The following ANK1 variants were observed in gnomAD, a reference collection of about 807,000 sequenced individuals.
ANK1 encodes the protein ankyrin-1.
Under a neutral mutation model 210.4 loss-of-function variants are expected in ANK1, and 51 were observed. The observed-to-expected ratio is 0.24, with a 90% confidence interval of 0.19 to 0.31. The LOEUF (loss-of-function observed/expected upper bound fraction) is 0.31, where lower values mean the gene tolerates loss of function less well. Among genes scored for constraint, ANK1 ranks in the 10% least tolerant of loss-of-function variants. The pLI is 1.00. For synonymous variants in ANK1, 967 were observed against 1,025.9 expected, an observed-to-expected ratio of 0.94 and a Z score of 1.10; for missense variants, 2,051 against 2,504.4, an observed-to-expected ratio of 0.82 and a Z score of 3.86.
At chr8:41,727,410 C>T (rs1830983135) in intron 4 of ANK1, 62 bp from the exon 5 acceptor site, 1 of 1,183,366 alleles carries the variant, frequency 8.5e-7, no homozygotes, top group Admixed American at 1.7e-5. Flanking sequence ...CCTACACCAG[C>T]ACAACGTCCT....
chr8:41,713,883 T>C (rs140696160), intron 16 of ANK1, among the ~76,000 whole-genome samples: 294 of 152,320 alleles, frequency 1.9e-3, no homozygotes, highest in African/African-American at 6.6e-3. Context: ...GTGCAACTGC[T>C]TGGGGACACA....
intron 1 of ANK1, among the ~76,000 whole-genome samples, chr8:41,783,618 G>T (rs1419146662): frequency 1.3e-5 from 1 of 75,064 alleles, no homozygotes; most frequent in East Asian, 2.0e-3. Context: ...CCTCTTAATG[G>T]AGACTGACAC....
rs371076452 is a variant in ANK1, at chr8:41,806,536, G to A, written c.127-48399C>T. 2.4e-4 allele frequency among the ~76,000 whole-genome samples: 37 copies of A among 152,262 alleles called. 1 individual carries two copies. In the East Asian group the frequency reaches 6.4e-3, roughly 26 times the overall value. On this transcript the variant is annotated intron_variant, in intron 1 of 42. Transcript: ENST00000265709. ...TCAAGACCAGCCTGGGCAACATGGC[G>A]AAACCCTGTCTCTACTAAAAATACA... is the stretch of plus-strand genomic sequence containing the variant.
At chr8:41,841,095 G>A (rs985140215) in intron 1 of ANK1, among the ~76,000 whole-genome samples, 6 of 152,186 alleles carry the variant, frequency 3.9e-5, no homozygotes, top group Non-Finnish European at 7.3e-5. Flanking sequence ...GGAGACACCT[G>A]CAGCCCCACA....
At chr8:41,670,376 T>C (rs1268506217) in intron 38 of ANK1, among the ~76,000 whole-genome samples, 1 of 152,002 alleles carries the variant, frequency 6.6e-6, no homozygotes, top group Non-Finnish European at 1.5e-5. Context: ...AAAATAGGCC[T>C]AGAGCCCAGG....
chr8:41,895,523 C>T (rs968501882), intron 1 of ANK1, among the ~76,000 whole-genome samples: 3 of 152,092 alleles, frequency 2.0e-5, no homozygotes, highest in Non-Finnish European at 2.9e-5. Flanking sequence ...CAACAGTTGC[C>T]CCTGGAGGTC....
Position 41,693,893 on chromosome 8 carries a change from C to T in ANK1, c.3532+5G>A. 6.2e-7 allele frequency: 1 copy of T among 1,602,348 alleles called. No individual in the cohort carries two copies. Among genetic ancestry groups the T allele is most frequent in the Non-Finnish European group, 8.5e-7 (1 of 1,175,034 alleles). On this transcript the variant is annotated splice_donor_5th_base_variant and intron_variant, in intron 29 of 42. Coordinates refer to ENST00000289734, the MANE Select transcript of ANK1 (RefSeq NM_000037.4). ...GAACAGAAGCGAGGCAGGGGCCCCT[C>T]TCACCAATGACGCTGCAAAGCAGGC...
At position 41,695,217 on chromosome 8, in the gene ANK1, T is replaced by C. The variant is rs1175708966; in HGVS notation, c.3075A>G (p.Gly1025=). ...SVWKEHRSRY[G]ESYLDQILNG... is the part of the protein sequence containing the mutation. ...TGAGGATCTGATCCAGGTAGCTCTCTCCATAGCGGCTCCTGTGCTCCTTCC... is the reference window on the plus strand; with the variant it reads ...TGAGGATCTGATCCAGGTAGCTCTCCCCATAGCGGCTCCTGTGCTCCTTCC... Residue 1025 remains glycine, a synonymous_variant, in exon 27 of 43, where the codon GGA becomes GGG. Transcript: ENST00000289734. 2 of 1,613,912 alleles carry C rather than the reference T, an allele frequency of 1.2e-6. No individual in the cohort carries two copies. The highest frequency in any genetic ancestry group is 2.7e-5 in the African/African-American group (2 of 74,870).
intron 6 of ANK1, among the ~76,000 whole-genome samples, chr8:41,725,380 C>T (rs1477177139): frequency 6.6e-6 from 1 of 152,242 alleles, no homozygotes; most frequent in East Asian, 1.9e-4. Context: ...TCCCGGACCC[C>T]CTTTCTCCAC....
rs189925347 is a variant in ANK1, at chr8:41,842,622, C to T, written c.126+53733G>A. Among the ~76,000 whole-genome samples the T allele has an allele frequency of 1.0e-3, 159 of 152,316 alleles. 1 individual carries two copies. Among genetic ancestry groups the T allele is most frequent in the African/African-American group, 3.7e-3 (153 of 41,564 alleles). On this transcript the variant is annotated intron_variant, in intron 1 of 42. Transcript: ENST00000265709. ...TGTGAGATGGAGACTCTAAGAGCGC[C>T]TGCCTTGCGTCATTGTGGTGGAGGT...
intron 1 of ANK1, among the ~76,000 whole-genome samples, chr8:41,762,161 C>G (rs1840636661): frequency 6.6e-6 from 1 of 152,208 alleles, no homozygotes; most frequent in Non-Finnish European, 1.5e-5. Context: ...CCTCCCTTGT[C>G]CTCTGTGACA....
chr8:41,655,199 T>A lies in ANK1; in HGVS notation c.*591A>T. ...ATCTGGGAGGAGCGTCACCAGGGAG[T>A]CGAGGGGGTGTCACAAGTGGAATGG... On this transcript the variant is annotated 3_prime_UTR_variant, in exon 43 of 43. Coordinates refer to ENST00000289734, the MANE Select transcript of ANK1 (RefSeq NM_000037.4). The A allele has an allele frequency of 6.9e-6, 1 of 145,760 alleles. No homozygotes were observed. The allele number at this position is 145,760 out of a possible 1,614,324, so 9.0% of individuals were successfully genotyped here. A position where few individuals can be genotyped will look rare whatever the true frequency, so the allele number is the denominator to read the frequency against.
intron 1 of ANK1, among the ~76,000 whole-genome samples, chr8:41,869,401 G>A (rs1424755341): frequency 2.0e-5 from 3 of 152,144 alleles, no homozygotes; most frequent in Non-Finnish European, 4.4e-5. Context: ...ACAACCCAGA[G>A]GCTGCATTTT....
At chr8:41,673,038 G>C in intron 37 of ANK1, 126 bp from the exon 38 acceptor site, 1 of 1,023,998 alleles carries the variant, frequency 9.8e-7, no homozygotes, top group Non-Finnish European at 1.4e-6. Flanking sequence ...ATGCACATTC[G>C]GGGTGGGTTG....
At chr8:41,723,834 G>C (rs897182142) in intron 7 of ANK1, among the ~76,000 whole-genome samples, 6 of 148,088 alleles carry the variant, frequency 4.1e-5, no homozygotes, top group African/African-American at 1.5e-4. Context: ...CTGTCGCCCA[G>C]GCTGGAGTGC....
chr8:41,722,947 T>C lies in ANK1; in HGVS notation c.909+178A>G, dbSNP rs180748953. Among the ~76,000 whole-genome samples the C allele has an allele frequency of 1.4e-3, 212 of 152,280 alleles. 3 individuals carry two copies. The highest frequency in any genetic ancestry group is 2.7e-3 in the Admixed American group (42 of 15,296). On this transcript the variant is annotated intron_variant, in intron 9 of 42. Coordinates refer to ENST00000289734, the MANE Select transcript of ANK1 (RefSeq NM_000037.4). The stretch of plus-strand genomic sequence containing the variant: ...AAAAGTTTGCCGACCCTGATCTAGT[T>C]AGGCATTAGAGCTACACTGAGAGTC...
In ANK1 at chr8:41,693,976, G is replaced by A. The variant is rs749790259; in HGVS notation, c.3454C>T (p.Pro1152Ser). The A allele has an allele frequency of 1.1e-5, 18 of 1,614,136 alleles. No homozygotes were observed. Among genetic ancestry groups the A allele is most frequent in the Non-Finnish European group, 1.5e-5 (18 of 1,180,036 alleles). Residue 1152 changes from proline to serine, a missense_variant, in exon 29 of 43, where the codon CCT becomes TCT. Pro to Ser is a moderately conservative substitution (Grantham distance 74). Around this residue, in one of 6 missense-constraint regions of ANK1, gnomAD observed 1,413 missense variants for 1,707.4 expected, o/e 0.83. Coordinates refer to ENST00000289734, the MANE Select transcript of ANK1 (RefSeq NM_000037.4). ...CTCGGGTTGTCGGTCCAGGAAGGAG[G>A]TAGTGGGATCCGAAGCCCAATGGGG... is the stretch of plus-strand genomic sequence containing the variant. ...HRPIGLRIPL[P>S]PSWTDNPRDS...
intron 2 of ANK1, among the ~76,000 whole-genome samples, chr8:41,753,484 A>G (rs1285758349): frequency 6.6e-6 from 1 of 151,914 alleles, no homozygotes; most frequent in African/African-American, 2.4e-5. Flanking sequence ...GTTAGCACAC[A>G]CATGCATGCA....
intron 1 of ANK1, among the ~76,000 whole-genome samples, chr8:41,820,745 A>C (rs1301920330): frequency 6.6e-6 from 1 of 152,138 alleles, no homozygotes. Context: ...CCAGATTAAC[A>C]GGAGAAAAAC....
Sources: gnomAD v4.1 joint callset for allele counts (sites outside exome capture counted in the v4.1 genomes callset) on GRCh38, gnomAD v4.1.1 for gene constraint, gnomAD v4.1.1 regional missense constraint, MANE v1.5 for transcripts, NCBI Gene and HGNC (gene_info 2026-07-23, HGNC 2026-07-21) for gene names.